AGBL4: variants seen among roughly 807,000 people sequenced by gnomAD.
AGBL4 encodes the protein AGBL carboxypeptidase 4, also known as cytosolic carboxypeptidase 6.
Under a neutral mutation model 66.4 loss-of-function variants are expected in AGBL4, and 58 were observed. The ratio of observed to expected loss-of-function variants is 0.87; its 90% CI spans 0.71 to 1.09. The LOEUF (loss-of-function observed/expected upper bound fraction) is 1.09. AGBL4 is among the 50% of genes least tolerant of loss of function. AGBL4 has a pLI of 0.00. For synonymous variants in AGBL4, 234 were observed against 222.9 expected (o/e 1.05, Z -0.44); for missense variants, 579 against 631.0 (o/e 0.92, Z 0.88).
chr1:49,140,844 C>A (rs900078980), intron 4 of AGBL4, among the ~76,000 whole-genome samples: 1 of 152,074 alleles, frequency 6.6e-6, no homozygotes, highest in African/African-American at 2.4e-5. Context: ...GTTTTTGGAG[C>A]CATGTGACTG....
intron 1 of AGBL4, among the ~76,000 whole-genome samples, chr1:49,946,723 A>C (rs1343519915): frequency 2.0e-5 from 3 of 151,884 alleles, no homozygotes; most frequent in Admixed American, 2.0e-4. Context: ...AACTAAATAA[A>C]ATTAAAACAA....
chr1:49,049,446 G>A (rs1378826059), intron 4 of AGBL4, among the ~76,000 whole-genome samples: 1 of 151,830 alleles, frequency 6.6e-6, no homozygotes, highest in Admixed American at 6.6e-5. Flanking sequence ...TCTTAACAAT[G>A]AACAATAAAA....
At position 48,725,024 on chromosome 1, in the gene AGBL4, T is replaced by G. The variant is rs574934974; in HGVS notation, c.635-61783A>C. ...TTTGAGCCTAGACAGAAAGTCACCT[T>G]CTGATTGTGTGCAGCTGAACAGCAT... On this transcript the variant is annotated intron_variant, in intron 6 of 13. Transcript: ENST00000371839. Among the ~76,000 whole-genome samples the G allele has an allele frequency of 1.4e-4, 22 of 152,232 alleles. No homozygotes were observed. The South Asian group carries it at 1.5e-3, about 10-fold the overall frequency.
At chr1:49,364,350 C>T (rs1293514399) in intron 3 of AGBL4, among the ~76,000 whole-genome samples, 1 of 152,120 alleles carries the variant, frequency 6.6e-6, no homozygotes, top group African/African-American at 2.4e-5. Context: ...GATGAGGTCC[C>T]ATAATCTCTC....
At chr1:49,490,782 T>TG (rs1468189785) in intron 3 of AGBL4, among the ~76,000 whole-genome samples, 2 of 151,790 alleles carry the variant, frequency 1.3e-5, no homozygotes, top group African/African-American at 2.4e-5. Flanking sequence ...GTGCTGTAGT[T>TG]GTGCATTACA....
At chr1:49,234,643 C>T (rs1650577168) in intron 4 of AGBL4, among the ~76,000 whole-genome samples, 1 of 152,066 alleles carries the variant, frequency 6.6e-6, no homozygotes, top group South Asian at 2.1e-4. Context: ...CCTGTTTTGT[C>T]TCCACAGTTG....
At chr1:48,911,955 G>T (rs1310592446) in intron 5 of AGBL4, among the ~76,000 whole-genome samples, 2 of 151,916 alleles carry the variant, frequency 1.3e-5, no homozygotes, top group African/African-American at 4.8e-5. Flanking sequence ...TGCATCTTCT[G>T]TTATAAACAA....
At chr1:49,664,391 G>C (rs1263341223) in intron 3 of AGBL4, among the ~76,000 whole-genome samples, 1 of 151,862 alleles carries the variant, frequency 6.6e-6, no homozygotes, top group Non-Finnish European at 1.5e-5. Context: ...TTCTTGAATA[G>C]AACACATATA....
intron 2 of AGBL4, among the ~76,000 whole-genome samples, chr1:49,736,855 C>G (rs1309879168): frequency 6.6e-6 from 1 of 151,512 alleles, no homozygotes; most frequent in African/African-American, 2.4e-5. Flanking sequence ...GGGCAAAGGA[C>G]ATGAACAGAC....
chr1:48,808,525 A>G (rs1198744772), intron 6 of AGBL4, among the ~76,000 whole-genome samples: 2 of 152,192 alleles, frequency 1.3e-5, no homozygotes, highest in Admixed American at 1.3e-4. Flanking sequence ...GGAGAGTCCC[A>G]AGGGAAAGGA....
intron 5 of AGBL4, among the ~76,000 whole-genome samples, chr1:48,984,867 A>T (rs935765480): frequency 3.9e-5 from 6 of 152,032 alleles, no homozygotes; most frequent in Non-Finnish European, 8.8e-5. Context: ...GGGCTGAGGA[A>T]ATGTAGAAAT....
In AGBL4 at chr1:49,836,267, G is replaced by C. The variant is rs560617127; in HGVS notation, c.157+15129C>G. Among the ~76,000 whole-genome samples, 3 of 152,186 alleles carry C rather than the reference G, an allele frequency of 2.0e-5. No homozygotes were observed. The East Asian group carries it at 5.8e-4, about 29-fold the overall frequency. ...TAGTCCCATGTTTCTTGGAGGCTTT[G>C]TTCATTCCTTTTCATTCTTTTTCTC... is the stretch of plus-strand genomic sequence containing the variant. On this transcript the variant is annotated intron_variant, in intron 2 of 13. Transcript: ENST00000371839.
intron 2 of AGBL4, among the ~76,000 whole-genome samples, chr1:49,758,245 T>C (rs966805879): frequency 5.3e-5 from 8 of 152,186 alleles, no homozygotes; most frequent in Admixed American, 5.2e-4. Context: ...TGGAAACACC[T>C]GGATGTCCAG....
chr1:49,844,531 C>T (rs1351875885), intron 2 of AGBL4, among the ~76,000 whole-genome samples: 1 of 151,858 alleles, frequency 6.6e-6, no homozygotes, highest in Non-Finnish European at 1.5e-5. Flanking sequence ...CTCTCTCTTC[C>T]TTTCCTGGTT....
rs111878788 is a variant in AGBL4 at position 49,402,569 on chromosome 1, C to CTT, written c.283-156707_283-156706dup. Reference sequence around the variant, plus strand: ...GATATTATTTCAATATTTTGAATGCCTTTTTTTTTTTTTTTGAGATGGAGT... The same window carrying CTT: ...GATATTATTTCAATATTTTGAATGCCTTTTTTTTTTTTTTTTTGAGATGGAGT... On this transcript the variant is annotated intron_variant, in intron 3 of 13. Transcript: ENST00000371839. 3.4e-3 allele frequency among the ~76,000 whole-genome samples: 465 copies of CTT among 137,722 alleles called. 4 individuals carry two copies. The highest frequency in any genetic ancestry group is 4.8e-3 in the Non-Finnish European group (310 of 64,622). 90.4% of individuals were successfully genotyped at this position (137,722 alleles called of 152,430 possible). A position where few individuals can be genotyped will look rare whatever the true frequency, so the allele number is the denominator to read the frequency against.
At chr1:49,930,825 T>C (rs566332215) in intron 1 of AGBL4, among the ~76,000 whole-genome samples, 32 of 152,244 alleles carry the variant, frequency 2.1e-4, no homozygotes, top group African/African-American at 7.2e-4. Flanking sequence ...GACTCAATGT[T>C]TTTCCACAAA....
intron 2 of AGBL4, among the ~76,000 whole-genome samples, chr1:49,721,485 G>T (rs1022089133): frequency 1.3e-5 from 2 of 152,132 alleles, no homozygotes; most frequent in Admixed American, 1.3e-4. Flanking sequence ...GGAATTGCTA[G>T]TATGGCCAGA....
At chr1:48,654,529 T>C (rs1158952169) in intron 7 of AGBL4, among the ~76,000 whole-genome samples, 1 of 152,178 alleles carries the variant, frequency 6.6e-6, no homozygotes, top group Non-Finnish European at 1.5e-5. Flanking sequence ...GATAGGAGAA[T>C]GCAAAACCCT....
intron 2 of AGBL4, among the ~76,000 whole-genome samples, chr1:49,841,576 T>C (rs1034415466): frequency 6.6e-5 from 10 of 152,124 alleles, no homozygotes; most frequent in Admixed American, 6.5e-4. Context: ...GAAATCATAC[T>C]ATCTAACTTC....
Sources: allele counts gnomAD v4.1 joint callset (sites outside exome capture counted in the v4.1 genomes callset), GRCh38; gene constraint gnomAD v4.1.1; transcripts MANE v1.5; gene names NCBI Gene and HGNC (gene_info 2026-07-23, HGNC 2026-07-21).